The following ATRX variants were observed in gnomAD, a reference collection of about 807,000 sequenced individuals.
ATRX encodes chromatin remodeler ATRX.
ATRX carries 12 observed loss-of-function variants against 172.6 expected under a neutral mutation model. The ratio of observed to expected loss-of-function variants is 0.07; its 90% CI spans 0.04 to 0.11. ATRX has a LOEUF of 0.11. Among genes scored for constraint, ATRX ranks in the 10% least tolerant of loss-of-function variants. ATRX has a pLI of 1.00. For missense variants in ATRX, 1,368 were observed against 1,767.4 expected (o/e 0.77, Z 4.05); for synonymous variants, 674 against 594.7 (o/e 1.13, Z -1.94).
chrX:77,667,985 A>T (rs1029110005), intron 10 of ATRX, among the ~76,000 whole-genome samples: 3 of 112,000 alleles, frequency 2.7e-5, no homozygotes, highest in African/African-American at 9.7e-5. Flanking sequence ...CCTAATTTAT[A>T]GCTATGTAAA....
At chrX:77,618,694 T>C in intron 21 of ATRX, 112 bp downstream of exon 21, 4 of 775,145 alleles carry the variant, frequency 5.2e-6, no homozygotes, top group East Asian at 6.7e-5. Flanking sequence ...AACTATCTAC[T>C]GAAAGAGCGG....
intron 19 of ATRX, among the ~76,000 whole-genome samples, chrX:77,629,539 T>C (rs1465727654): frequency 8.9e-6 from 1 of 112,427 alleles, no homozygotes; most frequent in Non-Finnish European, 1.9e-5. Context: ...CTAATACTTA[T>C]ATATACTCTG....
At chrX:77,733,706 T>TA (rs1244088795) in intron 1 of ATRX, among the ~76,000 whole-genome samples, 6,343 of 33,053 alleles carry the variant, frequency 0.19, 708 homozygotes, top group Non-Finnish European at 0.25. Flanking sequence ...CCATCTATGC[T>TA]AAAAAAAAAA....
chrX:77,616,573 C>CTT (rs782169462), intron 22 of ATRX, 40 bp downstream of exon 22: 2 of 1,151,283 alleles, frequency 1.7e-6, no homozygotes, highest in African/African-American at 3.6e-5. Flanking sequence ...AAAAGAATGT[C>CTT]TTTATAGAGA....
chrX:77,581,871 G>A (rs944862720), intron 27 of ATRX, among the ~76,000 whole-genome samples: 1 of 111,658 alleles, frequency 9.0e-6, no homozygotes, highest in Non-Finnish European at 1.9e-5. Context: ...TAATAACAAG[G>A]TATTTTGGAA....
intron 15 of ATRX, among the ~76,000 whole-genome samples, chrX:77,651,135 T>C (rs1207750417): frequency 5.2e-5 from 5 of 95,265 alleles, no homozygotes; most frequent in African/African-American, 1.9e-4. Flanking sequence ...GAGAATCACT[T>C]GAACCCAGGA....
chrX:77,713,525 G>A (rs918239933), intron 2 of ATRX, among the ~76,000 whole-genome samples: 5 of 111,401 alleles, frequency 4.5e-5, no homozygotes, highest in South Asian at 7.6e-4. Context: ...GAAATGATGC[G>A]GATTTGTAAA....
Position 77,608,975 on chromosome X carries a change from T to C in ATRX, c.5566+7638A>G, listed in dbSNP as rs146059564. On this transcript the variant is annotated intron_variant, in intron 22 of 34. Transcript: ENST00000373344. ...CAAAAGAAGACATGCAAATGGAAAA[T>C]AGGTATAAGAAAAGGTACTCAACAT... Among the ~76,000 whole-genome samples, 14 of 111,522 alleles carry C rather than the reference T, an allele frequency of 1.3e-4. No homozygotes were observed. In the East Asian group the frequency reaches 2.2e-3, roughly 18 times the overall value.
At chrX:77,616,803 T>A in intron 21 of ATRX, 73 bp from the exon 22 acceptor site, 1 of 736,102 alleles carries the variant, frequency 1.4e-6, no homozygotes, top group Non-Finnish European at 2.1e-6. Context: ...TTCTCATTGC[T>A]TATAACTGAA....
chrX:77,524,848 T>G (rs2063333360), intron 30 of ATRX, among the ~76,000 whole-genome samples: 1 of 108,384 alleles, frequency 9.2e-6, no homozygotes, highest in Non-Finnish European at 1.9e-5. Flanking sequence ...TGGGCTCAAG[T>G]GATTCTCCTG....
intron 19 of ATRX, among the ~76,000 whole-genome samples, chrX:77,622,276 G>T (rs1486065766): frequency 1.8e-5 from 2 of 111,626 alleles, no homozygotes; most frequent in South Asian, 3.7e-4. Context: ...TGTCAGAGGG[G>T]ATCTGGTAAA....
chrX:77,696,788 T>C, intron 4 of ATRX, 84 bp from the exon 5 acceptor site: 1 of 987,722 alleles, frequency 1.0e-6, no homozygotes, highest in Non-Finnish European at 1.4e-6. Context: ...CATGTTGAGA[T>C]TGAGCAGTGG....
At position 77,681,593 on chromosome X, in the gene ATRX, G is replaced by A. The variant is rs1214349616; in HGVS notation, c.3663C>T (p.Ser1221=). ...TCACAGGCTTAATTTTCTGTTCATC[G>A]CTGCTTCCCTCACCTATAGAATTCT... ...DDQNSIGEGS[S]DEQKIKPVTE... Residue 1221 remains serine, a synonymous_variant, in exon 9 of 35, where the codon AGC becomes AGT. Coordinates refer to ENST00000373344, the MANE Select transcript of ATRX (RefSeq NM_000489.6). The A allele has an allele frequency of 3.3e-6, 4 of 1,207,999 alleles. No individual in the cohort carries two copies. In the South Asian group the frequency reaches 7.1e-5, roughly 22 times the overall value.
intron 2 of ATRX, among the ~76,000 whole-genome samples, chrX:77,716,544 A>G (rs1171392772): frequency 1.9e-5 from 2 of 107,951 alleles, no homozygotes; most frequent in Admixed American, 1.0e-4. Flanking sequence ...TGAGTTCCAG[A>G]CCAGCTTGGC....
At chrX:77,675,371 T>C (rs782435070) in intron 10 of ATRX, 2 of 111,684 alleles carry the variant, frequency 1.8e-5, no homozygotes, top group East Asian at 5.6e-4. Flanking sequence ...CACAGACAGT[T>C]GTTAAAAATG....
At chrX:77,657,137 T>A (rs1011878221) in intron 12 of ATRX, among the ~76,000 whole-genome samples, 3 of 110,843 alleles carry the variant, frequency 2.7e-5, no homozygotes, top group Non-Finnish European at 5.7e-5. Flanking sequence ...CCCTCTACAA[T>A]TGGTGGAGGG....
intron 30 of ATRX, among the ~76,000 whole-genome samples, chrX:77,537,427 C>T (rs1557048759): frequency 8.9e-6 from 1 of 111,861 alleles, no homozygotes; most frequent in Non-Finnish European, 1.9e-5. Flanking sequence ...AAAATACTCT[C>T]TTCTCTTGGC....
chrX:77,667,876 G>A (rs1482653301), intron 10 of ATRX, among the ~76,000 whole-genome samples: 1 of 111,460 alleles, frequency 9.0e-6, no homozygotes, highest in East Asian at 2.8e-4. Flanking sequence ...CAAACTTCAG[G>A]TCATTTTTCT....
chrX:77,600,330 G>A (rs2066629173), intron 23 of ATRX, 104 bp downstream of exon 23: 1 of 956,637 alleles, frequency 1.0e-6, no homozygotes, highest in Non-Finnish European at 1.5e-6. Context: ...ACATAGAATA[G>A]AACAAAGCAA....
Sources: allele counts gnomAD v4.1 joint callset (sites outside exome capture counted in the v4.1 genomes callset), GRCh38; gene constraint gnomAD v4.1.1; transcripts MANE v1.5; gene names NCBI Gene and HGNC (gene_info 2026-07-23, HGNC 2026-07-21).